WDR90: variants seen among roughly 807,000 people sequenced by gnomAD.
WDR90 encodes the protein WD repeat-containing protein 90.
Under a neutral mutation model 195.2 loss-of-function variants are expected in WDR90, and 238 were observed. The ratio of observed to expected loss-of-function variants is 1.22; its 90% confidence interval spans 1.10 to 1.36. The LOEUF (loss-of-function observed/expected upper bound fraction) is 1.36, where lower values mean the gene tolerates loss of function less well. Ranked by LOEUF, WDR90 falls within the 40% of genes most tolerant of loss-of-function variation. WDR90 has a pLI of 0.00. For missense variants in WDR90, 2,734 were observed against 2,439.5 expected, an observed-to-expected ratio of 1.12 and a Z score of -2.54; for synonymous variants, 1,265 against 1,052.4, an observed-to-expected ratio of 1.20 and a Z score of -3.91.
At chr16:654,199 A>AT (rs1272112246) in intron 13 of WDR90, 542 of 213,294 alleles carry the variant, frequency 2.5e-3, no homozygotes, top group Middle Eastern at 4.8e-3. Flanking sequence ...CTTTTTAAAC[A>AT]TTTTTTTTTT....
upstream of WDR90, chr16:649,339 AG>A (rs1400420343): frequency 6.4e-5 from 84 of 1,315,520 alleles, no homozygotes; most frequent in Non-Finnish European, 8.0e-5. Flanking sequence ...GTTGCCAGGC[AG>A]CCGTTGCCTG....
chr16:659,238 T>C lies in WDR90; in HGVS notation c.3053-7T>C. ...TCCCAAACATCACAGGGCTGCTTCT[T>C]CCCCAGGCCCGGGCGCAGGACCGCT... On this transcript the variant is annotated splice_polypyrimidine_tract_variant and splice_region_variant and intron_variant, in intron 25 of 40. Coordinates refer to ENST00000293879, the MANE Select transcript of WDR90 (RefSeq NM_145294.5). The C allele has an allele frequency of 1.9e-6, 3 of 1,611,638 alleles. No individual in the cohort carries two copies. Among genetic ancestry groups the C allele is most frequent in the Non-Finnish European group, 2.5e-6 (3 of 1,179,500 alleles).
At position 666,037 on chromosome 16, in the gene WDR90, C is replaced by A. The variant is rs781743311; in HGVS notation, c.4522C>A (p.Arg1508Ser). 2 of 1,605,310 alleles carry A rather than the reference C, an allele frequency of 1.2e-6. No homozygotes were observed. Among genetic ancestry groups the A allele is most frequent in the Non-Finnish European group, 1.7e-6 (2 of 1,179,820 alleles). ...GGCTGGCTACGGTGACGGCTCCCTG[C>A]GCATCTTCAGCGTCTCCCGCACGGC... ...LAAGYGDGSLRIFSVSRTAME... is the reference protein window; with the variant it reads ...LAAGYGDGSLSIFSVSRTAME... The change falls in exon 36 of 41, where the codon CGC becomes AGC. Residue 1508 changes from arginine to serine, a missense_variant. By Grantham distance (110) the Arg-to-Ser change is moderately radical. Transcript: ENST00000293879.
intron 25 of WDR90, 46 bp downstream of exon 25, chr16:659,172 G>A: frequency 1.2e-6 from 2 of 1,609,866 alleles, no homozygotes; most frequent in South Asian, 1.1e-5. Flanking sequence ...CGCTGACTCT[G>A]GGGCCCGTCC....
At chr16:650,428 T>C in intron 4 of WDR90, 66 bp downstream of exon 4, 1 of 1,592,398 alleles carries the variant, frequency 6.3e-7, no homozygotes, top group East Asian at 2.3e-5. Context: ...GCAGGCCCAG[T>C]GAGGCTCCTC....
chr16:666,630 C>T (rs756978394), intron 38 of WDR90, 32 bp downstream of exon 38: 1 of 1,611,358 alleles, frequency 6.2e-7, no homozygotes, highest in Admixed American at 1.7e-5. Flanking sequence ...GTGGGTGGGG[C>T]CGGTACCCAT....
chr16:651,134 C>T, intron 6 of WDR90, 31 bp downstream of exon 6: 1 of 1,610,412 alleles, frequency 6.2e-7, no homozygotes, highest in Non-Finnish European at 8.5e-7. Flanking sequence ...CGAGGGAGGC[C>T]TCGGTGGTGG....
At position 653,426 on chromosome 16, in the gene WDR90, G is replaced by A. The variant is rs374428893; in HGVS notation, c.1208G>A (p.Arg403His). ...CTGCTCGTGGACACGGGGGAGCAGC[G>A]CTTCTTCCTTGGCCACACAGACAAG... Reference protein sequence around the residue: ...VVLLVDTGEQRFFLGHTDKVS... With the variant: ...VVLLVDTGEQHFFLGHTDKVS... The change falls in exon 11 of 41, where the codon CGC becomes CAC. Residue 403 changes from arginine to histidine, a missense_variant. Arg to His is a conservative substitution (Grantham distance 29, BLOSUM62 0). Transcript: ENST00000293879. 2.4e-5 allele frequency: 38 copies of A among 1,611,910 alleles called. No individual in the cohort carries two copies. The African/African-American group carries it at 3.2e-4, about 14-fold the overall frequency.
In WDR90 at chr16:654,061, G is replaced by A. The variant is rs769179356; in HGVS notation, c.1437+258G>A. 4.5e-4 allele frequency: 234 copies of A among 523,694 alleles called. 2 individuals carry two copies. In the East Asian group the frequency reaches 6.8e-3, roughly 15 times the overall value. The allele number at this position is 523,694 out of a possible 1,614,324, so 32.4% of individuals were successfully genotyped here. ...GTTTAAGCCAGCGTTTACACACCTC[G>A]CCTCGTTCTCTCTGCTGGTGATGCG... On this transcript the variant is annotated intron_variant, in intron 13 of 40. Coordinates refer to ENST00000293879, the MANE Select transcript of WDR90 (RefSeq NM_145294.5).
Position 662,800 on chromosome 16 carries a change from G to A in WDR90, c.4267G>A (p.Ala1423Thr). The change falls in exon 34 of 41, where the codon GCC (alanine) becomes ACC (threonine). Residue 1423 changes from alanine to threonine, a missense_variant. Transcript: ENST00000293879. ...TAGTLWFVSW[A>T]EGTSTRLISG... ...GGGCACGCTGTGGTTTGTCAGCTGGGCCGAGGGCACCAGCACACGTCTCAT... is the reference window on the plus strand; with the variant it reads ...GGGCACGCTGTGGTTTGTCAGCTGGACCGAGGGCACCAGCACACGTCTCAT... 1.3e-6 allele frequency: 2 copies of A among 1,599,888 alleles called. No individual in the cohort carries two copies. The highest frequency in any genetic ancestry group is 1.7e-6 in the Non-Finnish European group (2 of 1,174,156).
chr16:662,285 G>T lies in WDR90; in HGVS notation c.4099G>T (p.Ala1367Ser). The stretch of plus-strand genomic sequence containing the variant: ...CAGCACGGGGCGGCTGCGCCTGTGG[G>T]CCGTGGGGGCTGTGTCGGAGCTGAG... ...GSSTGRLRLW[A>S]VGAVSELRCK... Residue 1367 changes from alanine (A) to serine (S), a missense_variant, in exon 33 of 41, where the codon GCC becomes TCC. Ala to Ser is a moderately conservative substitution (Grantham distance 99). Coordinates refer to ENST00000293879, the MANE Select transcript of WDR90 (RefSeq NM_145294.5). The T allele has an allele frequency of 6.3e-7, 1 of 1,583,264 alleles. No individual in the cohort carries two copies. The highest frequency in any genetic ancestry group is 2.3e-5 in the East Asian group (1 of 43,494).
chr16:657,374 C>G, intron 20 of WDR90, 153 bp downstream of exon 20: 1 of 1,203,222 alleles, frequency 8.3e-7, no homozygotes, highest in Non-Finnish European at 1.1e-6. Flanking sequence ...TTGTCAAGGC[C>G]CTGAGGAGAC....
intron 4 of WDR90, 87 bp downstream of exon 4, chr16:650,449 A>AGGACAACCTGGC: frequency 6.3e-7 from 1 of 1,589,912 alleles, no homozygotes; most frequent in Non-Finnish European, 8.6e-7. Flanking sequence ...TGCGGCCTGG[A>AGGACAACCTGGC]GGACAACCTG....
rs1304641477 is a variant in WDR90, at chr16:667,817, G to T, written c.*228G>T. 1.5e-6 allele frequency: 1 copy of T among 672,216 alleles called. No individual in the cohort carries two copies. The highest frequency in any genetic ancestry group is 1.7e-5 in the South Asian group (1 of 58,418). 41.6% of individuals were successfully genotyped at this position (672,216 alleles called of 1,614,324 possible). On this transcript the variant is annotated 3_prime_UTR_variant, in exon 41 of 41. Transcript: ENST00000293879. Reference sequence around the variant, plus strand: ...AATGTTTCTATCTTGTAATAAACATGGGCATTTATTGCATTATTGCTGCAT... The same window carrying T: ...AATGTTTCTATCTTGTAATAAACATTGGCATTTATTGCATTATTGCTGCAT...
At chr16:662,564 C>T in intron 33 of WDR90, 115 bp from the exon 34 acceptor site, 1 of 1,413,904 alleles carries the variant, frequency 7.1e-7, no homozygotes, top group African/African-American at 1.4e-5. Flanking sequence ...CGGGAGGGCA[C>T]AGCCAGGTCC....
intron 22 of WDR90, 69 bp from the exon 23 acceptor site, chr16:658,456 C>G: frequency 6.3e-7 from 1 of 1,579,210 alleles, no homozygotes; most frequent in Non-Finnish European, 8.6e-7. Context: ...ACACCCACAA[C>G]GAAGGGAGGC....
Position 655,166 on chromosome 16 carries a change from C to G in WDR90, c.1556+19C>G. On this transcript the variant is annotated intron_variant, in intron 14 of 40. Coordinates refer to ENST00000293879, the MANE Select transcript of WDR90 (RefSeq NM_145294.5). ...AAACCAGGTGATGCAGCCGCCCATC[C>G]ACGATGTTGGGAGAGGGTCTGGGCC... 1 of 1,612,396 alleles carries G rather than the reference C, an allele frequency of 6.2e-7. No individual in the cohort carries two copies. The highest frequency in any genetic ancestry group is 8.5e-7 in the Non-Finnish European group (1 of 1,179,602).
At position 661,143 on chromosome 16, in the gene WDR90, T is replaced by C; in HGVS notation, c.3484T>C (p.Ser1162Pro). The C allele has an allele frequency of 6.4e-7, 1 of 1,559,130 alleles. No individual in the cohort carries two copies. The highest frequency in any genetic ancestry group is 1.8e-5 in the Admixed American group (1 of 54,920). ...CTGGTCCGGCCACTCTGCGGAGATC[T>C]CCACGCTGGCCCTCAGCCACAGTGC... ...QHWSGHSAEI[S>P]TLALSHSAQV... The change falls in exon 29 of 41, where the codon TCC becomes CCC. Residue 1162 changes from serine (S) to proline (P), a missense_variant. Ser to Pro is a moderately conservative substitution (Grantham distance 74). Transcript: ENST00000293879.
chr16:649,449 C>T (rs2037592284), intron 1 of WDR90, 23 bp downstream of exon 1: 7 of 1,296,832 alleles, frequency 5.4e-6, no homozygotes, highest in Non-Finnish European at 6.8e-6. Flanking sequence ...TGGCGGGGGT[C>T]CCGAGGATCC....
Sources: allele counts gnomAD v4.1 joint callset, GRCh38; gene constraint gnomAD v4.1.1; transcripts MANE v1.5; gene names NCBI Gene and HGNC (gene_info 2026-07-23, HGNC 2026-07-21).